Variants in PANK3 observed in about 807,000 individuals in gnomAD.
PANK3 encodes hPanK3.
PANK3 carries 20 observed loss-of-function variants against 39.4 expected under a neutral mutation model. The ratio of observed to expected loss-of-function variants is 0.51; its 90% CI spans 0.36 to 0.74. PANK3 has a LOEUF of 0.74. Among genes scored for constraint, PANK3 ranks in the 30% least tolerant of loss-of-function variants. PANK3 has a pLI of 0.00. For synonymous variants in PANK3, 140 were observed against 157.3 expected (o/e 0.89, Z 0.82); for missense variants, 265 against 437.0 (o/e 0.61, Z 3.51).
At chr5:168,557,848 C>T (rs1759375071) in intron 6 of PANK3, among the ~76,000 whole-genome samples, 1 of 152,142 alleles carries the variant, frequency 6.6e-6, no homozygotes, top group South Asian at 2.1e-4. Context: ...TTTTTAGAGA[C>T]ATGGTCTCAC....
At position 168,551,853 on chromosome 5, in the gene PANK3, T is replaced by A. The variant is rs1358171583; in HGVS notation, c.*5718A>T. 1 of 152,220 alleles carries A rather than the reference T, an allele frequency of 6.6e-6. No individual in the cohort carries two copies. The highest frequency in any genetic ancestry group is 2.4e-5 in the African/African-American group (1 of 41,448). 9.4% of individuals were successfully genotyped at this position (152,220 alleles called of 1,614,324 possible). Reference sequence around the variant, plus strand: ...ACTTTAAGGGCTTTCAATTACCATGTATATTACTGGCAATAGTACTGACTT... The same window carrying A: ...ACTTTAAGGGCTTTCAATTACCATGAATATTACTGGCAATAGTACTGACTT... On this transcript the variant is annotated 3_prime_UTR_variant, in exon 7 of 7. Transcript: ENST00000239231.
chr5:168,560,877 TATC>T (rs771563313), intron 5 of PANK3: 3 of 448,880 alleles, frequency 6.7e-6, no homozygotes, highest in South Asian at 5.2e-5. Flanking sequence ...ACCACTCAAA[TATC>T]ATGAAGAACA....
chr5:168,565,881 A>AT (rs1426720596), intron 3 of PANK3, 132 bp downstream of exon 3: 8 of 215,274 alleles, frequency 3.7e-5, no homozygotes, highest in African/African-American at 2.0e-4. Context: ...ATATATATAT[A>AT]TATATTTTTT....
At position 168,563,897 on chromosome 5, in the gene PANK3, T is replaced by C. The variant is rs1427624585; in HGVS notation, c.804A>G (p.Val268=). The C allele has an allele frequency of 2.5e-6, 4 of 1,606,702 alleles. No individual in the cohort carries two copies. Among genetic ancestry groups the C allele is most frequent in the Non-Finnish European group, 3.4e-6 (4 of 1,177,062 alleles). The change falls in exon 4 of 7, where the codon GTA becomes GTG. Residue 268 remains valine, a synonymous_variant. Coordinates refer to ENST00000239231, the MANE Select transcript of PANK3 (RefSeq NM_024594.4). ...ACAAATGTTAAACTTACCTAGATGC[T>C]ACAGCCCAACCTGGCAAACCAAATC... The part of the protein sequence containing the change: ...YERFGLPGWA[V]ASSFGNMIYK...
At position 168,553,484 on chromosome 5, in the gene PANK3, C is replaced by A; in HGVS notation, c.*4087G>T. ...TGACAAAGAGTGCAACAGAAAGGAG[C>A]CAATCATATCACCATTGGGGAAGAT... On this transcript the variant is annotated 3_prime_UTR_variant, in exon 7 of 7. Transcript: ENST00000239231. 3 of 371,978 alleles carry A rather than the reference C, an allele frequency of 8.1e-6. No homozygotes were observed. Among genetic ancestry groups the A allele is most frequent in the Non-Finnish European group, 5.4e-6 (1 of 186,434 alleles). The allele number at this position is 371,978 out of a possible 1,614,324, so 23.0% of individuals were successfully genotyped here.
rs903780828 is a variant in PANK3 at position 168,553,777 on chromosome 5, C to T, written c.*3794G>A. On this transcript the variant is annotated 3_prime_UTR_variant, in exon 7 of 7. Transcript: ENST00000239231. ...AACAAAACCTTCAAAGTGTCCTTGG[C>T]AGCAAGTTTTCAGGTCCTCAGTAAT... 4 of 154,230 alleles carry T rather than the reference C, an allele frequency of 2.6e-5. No individual in the cohort carries two copies. Among genetic ancestry groups the T allele is most frequent in the African/African-American group, 9.6e-5 (4 of 41,472 alleles). The allele number at this position is 154,230 out of a possible 1,614,324, so 9.6% of individuals were successfully genotyped here.
At chr5:168,567,108 T>C (rs995452129) in intron 2 of PANK3, among the ~76,000 whole-genome samples, 13 of 152,202 alleles carry the variant, frequency 8.5e-5, no homozygotes, top group Non-Finnish European at 1.5e-4. Context: ...CAAGGGAAAA[T>C]TGTACTTCTT....
At position 168,565,887 on chromosome 5, in the gene PANK3, T is replaced by TATATATA. The variant is rs57306546; in HGVS notation, c.635+125_635+126insTATATAT. The TATATATA allele has an allele frequency of 9.4e-4, 139 of 147,952 alleles. 9 individuals carry two copies. The East Asian group carries it at 9.6e-3, about 10-fold the overall frequency. The allele number at this position is 147,952 out of a possible 1,614,324, so 9.2% of individuals were successfully genotyped here. A position where few individuals can be genotyped will look rare whatever the true frequency, so the allele number is the denominator to read the frequency against. On this transcript the variant is annotated intron_variant, in intron 3 of 6. Transcript: ENST00000239231. The stretch of plus-strand genomic sequence containing the variant: ...AAAAAAAATATATATATATATATAT[T>TATATATA]TTTTTTTTTTGCTGTTGTGCAAATA...
chr5:168,578,855 A>C (rs1759776460), intron 1 of PANK3: 1 of 174,602 alleles, frequency 5.7e-6, no homozygotes, highest in African/African-American at 2.3e-5. Flanking sequence ...CAAGGACACA[A>C]GCAGGAAGCC....
chr5:168,561,030 TG>T, intron 5 of PANK3: 1 of 413,932 alleles, frequency 2.4e-6, no homozygotes, highest in East Asian at 6.1e-5. Context: ...GGTGGTATAG[TG>T]GTGAGCATAG....
chr5:168,572,279 A>G (rs925546791), intron 1 of PANK3, among the ~76,000 whole-genome samples: 1 of 151,814 alleles, frequency 6.6e-6, no homozygotes, highest in Non-Finnish European at 1.5e-5. Flanking sequence ...ACGACCAACT[A>G]ATTTTTTTAT....
chr5:168,565,495 G>T (rs1347357367), intron 3 of PANK3, among the ~76,000 whole-genome samples: 1 of 151,902 alleles, frequency 6.6e-6, no homozygotes, highest in African/African-American at 2.4e-5. Flanking sequence ...AATAGGTAAA[G>T]AAGAAAAATG....
Position 168,557,277 on chromosome 5 carries a change from C to A in PANK3, c.*294G>T. On this transcript the variant is annotated 3_prime_UTR_variant, in exon 7 of 7. Coordinates refer to ENST00000239231, the MANE Select transcript of PANK3 (RefSeq NM_024594.4). ...CGATACTTTAAGATTTGTGTTTGAG[C>A]ATACAGTACTGCAATGTTGGCTACA... 1 of 263,110 alleles carries A rather than the reference C, an allele frequency of 3.8e-6. No individual in the cohort carries two copies. The highest frequency in any genetic ancestry group is 7.2e-6 in the Non-Finnish European group (1 of 138,698). The allele number at this position is 263,110 out of a possible 1,614,324, so 16.3% of individuals were successfully genotyped here.
chr5:168,568,921 C>G lies in PANK3; in HGVS notation c.106G>C (p.Glu36Gln). 1 of 1,610,732 alleles carries G rather than the reference C, an allele frequency of 6.2e-7. No homozygotes were observed. Among genetic ancestry groups the G allele is most frequent in the Non-Finnish European group, 8.5e-7 (1 of 1,179,534 alleles). Residue 36 changes from glutamate to glutamine, a missense_variant, in exon 2 of 7, where the codon GAG (glutamate) becomes CAG (glutamine). Glu to Gln is a conservative substitution (Grantham distance 29). Coordinates refer to ENST00000239231, the MANE Select transcript of PANK3 (RefSeq NM_024594.4). ...SYFEPIDITA[E>Q]EEQEEVESLK... ...CTCTCAACTTCTTCTTGCTCTTCCTCTGCTGTGATATCAATAGGTTCAAAG... is the reference window on the plus strand; with the variant it reads ...CTCTCAACTTCTTCTTGCTCTTCCTGTGCTGTGATATCAATAGGTTCAAAG...
chr5:168,563,502 T>C (rs1047509971), intron 4 of PANK3, among the ~76,000 whole-genome samples: 6 of 152,152 alleles, frequency 3.9e-5, no homozygotes, highest in Admixed American at 3.9e-4. Flanking sequence ...AATCCAACTT[T>C]TGGGAATTTA....
intron 2 of PANK3, 75 bp from the exon 3 acceptor site, chr5:168,566,341 C>T: frequency 6.8e-7 from 1 of 1,460,180 alleles, no homozygotes; most frequent in Non-Finnish European, 9.1e-7. Context: ...TCCTGTATTA[C>T]TTTACAAAAA....
chr5:168,560,907 T>A, intron 5 of PANK3: 1 of 505,790 alleles, frequency 2.0e-6, no homozygotes, highest in Non-Finnish European at 4.2e-6. Flanking sequence ...AATGCCTTCA[T>A]AGCCCTGTAC....
intron 3 of PANK3, 145 bp downstream of exon 3, chr5:168,565,868 A>AAAAAAAAAAAATATATATAT: frequency 7.6e-6 from 1 of 131,394 alleles, no homozygotes; most frequent in Non-Finnish European, 1.3e-5. Context: ...AAAAAAAAAA[A>AAAAAAAAAAAATATATATAT]ATATATATAT....
Position 168,569,008 on chromosome 5 carries a change from GAAAAAAAAAAAAAAAA to G in PANK3, c.29-26_29-11del, listed in dbSNP as rs368234880. ...CCAAACCATGGGAAAGCTATGGGAG[GAAAAAAAAAAAAAAAA>G]AAAAAAATATATATATATATATATA... On this transcript the variant is annotated splice_polypyrimidine_tract_variant and intron_variant, in intron 1 of 6. Coordinates refer to ENST00000239231, the MANE Select transcript of PANK3 (RefSeq NM_024594.4). 462 of 91,260 alleles carry G rather than the reference GAAAAAAAAAAAAAAAA, an allele frequency of 5.1e-3. 58 individuals are homozygous for G. The East Asian group carries it at 0.085, about 17-fold the overall frequency. The allele number at this position is 91,260 out of a possible 1,614,324, so 5.7% of individuals were successfully genotyped here. A position where few individuals can be genotyped will look rare whatever the true frequency, so the allele number is the denominator to read the frequency against.
Sources: gnomAD v4.1 joint callset for allele counts (sites outside exome capture counted in the v4.1 genomes callset) on GRCh38, gnomAD v4.1.1 for gene constraint, MANE v1.5 for transcripts, NCBI Gene and HGNC (gene_info 2026-07-23, HGNC 2026-07-21) for gene names.